PCDH9: variants seen among roughly 807,000 people sequenced by gnomAD.
PCDH9 encodes protocadherin-9.
In PCDH9, 24 loss-of-function variants were observed where a neutral mutation model predicts 70.6. The observed-to-expected ratio is 0.34, with a 90% CI of 0.25 to 0.48. The LOEUF (loss-of-function observed/expected upper bound fraction) is 0.48. Ranked by LOEUF, PCDH9 falls within the 20% of genes least tolerant of loss-of-function variation. PCDH9 has a pLI of 0.99. For synonymous variants in PCDH9, 562 were observed against 558.5 expected, an observed-to-expected ratio of 1.01 and a Z score of -0.09; for missense variants, 1,281 against 1,503.6, an observed-to-expected ratio of 0.85 and a Z score of 2.45.
intron 2 of PCDH9, among the ~76,000 whole-genome samples, chr13:67,110,578 G>A (rs963761330): frequency 9.3e-5 from 14 of 150,864 alleles, no homozygotes; most frequent in African/African-American, 3.4e-4. Flanking sequence ...GGATCTGTGT[G>A]ACTTTTATTG....
intron 4 of PCDH9, among the ~76,000 whole-genome samples, chr13:66,321,929 A>C (rs1272150299): frequency 1.3e-5 from 2 of 151,826 alleles, no homozygotes; most frequent in African/African-American, 4.9e-5. Flanking sequence ...GTGCCAATGG[A>C]CTAGAATATT....
chr13:66,405,650 C>T (rs560052725), intron 4 of PCDH9, among the ~76,000 whole-genome samples: 11 of 152,128 alleles, frequency 7.2e-5, no homozygotes, highest in African/African-American at 2.7e-4. Context: ...CCAAAGGCTG[C>T]GTTAAAGATG....
chr13:66,874,129 C>T (rs1287435500), intron 3 of PCDH9, among the ~76,000 whole-genome samples: 2 of 151,682 alleles, frequency 1.3e-5, no homozygotes, highest in African/African-American at 4.8e-5. Context: ...TTAGTAGGGA[C>T]AGTATTTCTC....
intron 3 of PCDH9, among the ~76,000 whole-genome samples, chr13:66,746,637 T>C (rs1254863150): frequency 2.6e-5 from 4 of 152,208 alleles, no homozygotes; most frequent in Admixed American, 6.5e-5. Flanking sequence ...ACAATTTGAT[T>C]TGTATAAAAC....
intron 4 of PCDH9, among the ~76,000 whole-genome samples, chr13:66,540,668 C>T (rs765380113): frequency 1.3e-5 from 2 of 152,152 alleles, no homozygotes; most frequent in East Asian, 1.9e-4. Context: ...CAGAAGGGTA[C>T]GTAGTGTACG....
At chr13:66,574,598 C>T (rs923665103) in intron 4 of PCDH9, among the ~76,000 whole-genome samples, 2 of 152,150 alleles carry the variant, frequency 1.3e-5, no homozygotes, top group Admixed American at 1.3e-4. Flanking sequence ...CAAATTTCCA[C>T]ACTTAATGCA....
intron 3 of PCDH9, among the ~76,000 whole-genome samples, chr13:66,815,038 A>G (rs2080577071): frequency 6.6e-6 from 1 of 152,150 alleles, no homozygotes; most frequent in Non-Finnish European, 1.5e-5. Context: ...TCCAGAATCT[A>G]TAAGTAACTT....
At chr13:67,073,901 G>A (rs753079906) in intron 2 of PCDH9, among the ~76,000 whole-genome samples, 8 of 151,484 alleles carry the variant, frequency 5.3e-5, no homozygotes, top group Non-Finnish European at 2.9e-5. Flanking sequence ...CTCTTAAATT[G>A]CTTTAAGAGG....
intron 4 of PCDH9, among the ~76,000 whole-genome samples, chr13:66,434,402 CAA>C (rs1315562810): frequency 6.6e-6 from 1 of 151,914 alleles, no homozygotes; most frequent in Non-Finnish European, 1.5e-5. Context: ...TAAACTTAAT[CAA>C]AAGAGCTGTG....
chr13:66,657,040 C>G (rs966997299), intron 3 of PCDH9, among the ~76,000 whole-genome samples: 2 of 152,132 alleles, frequency 1.3e-5, no homozygotes, highest in African/African-American at 4.8e-5. Context: ...CAGACAAAAG[C>G]CTATGTCCAT....
At chr13:66,942,584 T>C (rs769969430) in intron 2 of PCDH9, among the ~76,000 whole-genome samples, 71 of 152,006 alleles carry the variant, frequency 4.7e-4, no homozygotes, top group Admixed American at 1.7e-3. Flanking sequence ...TTTAAGGAAT[T>C]GTTGATGAAA....
intron 3 of PCDH9, among the ~76,000 whole-genome samples, chr13:66,680,180 C>T (rs1457302998): frequency 1.3e-5 from 2 of 151,934 alleles, no homozygotes; most frequent in Non-Finnish European, 2.9e-5. Context: ...TATATTGTGT[C>T]TATCTTGGAC....
At chr13:66,765,250 G>T (rs372961430) in intron 3 of PCDH9, among the ~76,000 whole-genome samples, 12 of 151,920 alleles carry the variant, frequency 7.9e-5, no homozygotes, top group African/African-American at 2.4e-4. Context: ...ACAGAATCCT[G>T]TACAAAACTG....
chr13:66,367,982 G>A (rs1407962588), intron 4 of PCDH9, among the ~76,000 whole-genome samples: 1 of 152,004 alleles, frequency 6.6e-6, no homozygotes, highest in African/African-American at 2.4e-5. Flanking sequence ...TCTTTAAAGT[G>A]CAATCAAAAG....
chr13:66,641,603 G>T (rs1023806892), intron 3 of PCDH9, among the ~76,000 whole-genome samples: 2 of 152,038 alleles, frequency 1.3e-5, no homozygotes, highest in African/African-American at 4.8e-5. Context: ...AGGAGAGAGG[G>T]GAAACAACAG....
chr13:66,547,208 A>C (rs761116594), intron 4 of PCDH9, among the ~76,000 whole-genome samples: 1 of 152,214 alleles, frequency 6.6e-6, no homozygotes, highest in African/African-American at 2.4e-5. Flanking sequence ...ATTACCTACT[A>C]TTGAGATCAC....
intron 3 of PCDH9, among the ~76,000 whole-genome samples, chr13:66,645,220 T>G (rs1271974808): frequency 6.6e-6 from 1 of 152,176 alleles, no homozygotes; most frequent in African/African-American, 2.4e-5. Flanking sequence ...GAAACTCTGA[T>G]AGAAAAAAGT....
intron 4 of PCDH9, among the ~76,000 whole-genome samples, chr13:66,383,403 A>G (rs1956879317): frequency 6.6e-6 from 1 of 152,294 alleles, no homozygotes; most frequent in Non-Finnish European, 1.5e-5. Flanking sequence ...TCAGAAACGT[A>G]TCTCCTCCTG....
chr13:67,229,457 A>G (rs1216757736), intron 1 of PCDH9, among the ~76,000 whole-genome samples: 6 of 152,210 alleles, frequency 3.9e-5, no homozygotes, highest in Non-Finnish European at 5.9e-5. Context: ...AACATTTGCC[A>G]CACATAAATA....
Sources: gnomAD v4.1 joint callset for allele counts (sites outside exome capture counted in the v4.1 genomes callset) on GRCh38, gnomAD v4.1.1 for gene constraint, MANE v1.5 for transcripts, NCBI Gene and HGNC (gene_info 2026-07-23, HGNC 2026-07-21) for gene names.